The following DIP2C variants were observed in gnomAD, a reference collection of about 807,000 sequenced individuals.
DIP2C encodes the protein disco-interacting protein 2 homolog C.
Under a neutral mutation model 192.4 loss-of-function variants are expected in DIP2C, and 33 were observed. That is an observed-to-expected ratio of 0.17 (90% CI 0.13 to 0.23). The LOEUF is 0.23. Among genes scored for constraint, DIP2C ranks in the 10% least tolerant of loss-of-function variants. The pLI is 1.00. For synonymous variants in DIP2C, 979 were observed against 864.1 expected, an observed-to-expected ratio of 1.13 and a Z score of -2.33; for missense variants, 1,537 against 2,110.1, an observed-to-expected ratio of 0.73 and a Z score of 5.32.
intron 5 of DIP2C, among the ~76,000 whole-genome samples, chr10:421,527 AAAT>A (rs1370628134): frequency 1.3e-5 from 2 of 152,200 alleles, no homozygotes; most frequent in Non-Finnish European, 2.9e-5. Context: ...TTACAAAAAA[AAAT>A]AACAGTCACA....
intron 1 of DIP2C, among the ~76,000 whole-genome samples, chr10:577,723 G>A (rs986249366): frequency 1.3e-5 from 2 of 152,126 alleles, no homozygotes; most frequent in African/African-American, 4.8e-5. Flanking sequence ...TAATGATGAA[G>A]ACTCTGAACA....
In DIP2C at chr10:666,967, A is replaced by G. The variant is rs1221333020; in HGVS notation, c.85+22527T>C. On this transcript the variant is annotated intron_variant, in intron 1 of 36. Coordinates refer to ENST00000280886, the MANE Select transcript of DIP2C (RefSeq NM_014974.3). This position sits in a 1 kb window ranked among gnomAD's most constrained non-coding sequence, Gnocchi z 4.1. Reference sequence around the variant, plus strand: ...AGGGCACCCACCCAGTCTCCTAATCATAACAGACATTCACAGCAACACCAC... The same window carrying G: ...AGGGCACCCACCCAGTCTCCTAATCGTAACAGACATTCACAGCAACACCAC... 2.6e-5 allele frequency: 4 copies of G among 152,420 alleles called. No homozygotes were observed. Among genetic ancestry groups the G allele is most frequent in the Non-Finnish European group, 4.4e-5 (3 of 68,118 alleles). 9.4% of individuals were successfully genotyped at this position (152,420 alleles called of 1,614,324 possible).
intron 10 of DIP2C, among the ~76,000 whole-genome samples, chr10:395,796 G>C (rs751183117): frequency 4.3e-4 from 66 of 152,166 alleles, no homozygotes; most frequent in Non-Finnish European, 6.8e-4. Context: ...ACAGGCAGGG[G>C]ATCTTTCCTG....
chr10:683,134 G>C (rs565570624), intron 1 of DIP2C, among the ~76,000 whole-genome samples: 14 of 152,358 alleles, frequency 9.2e-5, no homozygotes, highest in African/African-American at 3.4e-4. Flanking sequence ...ATGAGAGGCT[G>C]CTGGTTGTAA....
At chr10:643,893 G>A (rs968605691) in intron 1 of DIP2C, among the ~76,000 whole-genome samples, 5 of 152,242 alleles carry the variant, frequency 3.3e-5, no homozygotes, top group African/African-American at 9.6e-5. Flanking sequence ...AGACGTATGA[G>A]GGTGTATTTA....
chr10:501,167 C>G (rs1845196270), intron 1 of DIP2C, among the ~76,000 whole-genome samples: 1 of 152,162 alleles, frequency 6.6e-6, no homozygotes, highest in South Asian at 2.1e-4. Context: ...GGGAGGAAAG[C>G]AGAGATGATT....
At chr10:608,113 A>AG (rs1554754274) in intron 1 of DIP2C, among the ~76,000 whole-genome samples, 1 of 125,062 alleles carries the variant, frequency 8.0e-6, no homozygotes, top group African/African-American at 3.6e-5. Flanking sequence ...GAACACACAC[A>AG]CCACACACAC....
chr10:462,299 AAG>A (rs1053002500), intron 3 of DIP2C, among the ~76,000 whole-genome samples: 120 of 152,338 alleles, frequency 7.9e-4, no homozygotes, highest in African/African-American at 2.5e-3. Flanking sequence ...CAAAGAAGAA[AAG>A]AGAGAAGAAT....
intron 31 of DIP2C, among the ~76,000 whole-genome samples, chr10:320,912 C>G (rs980648652): frequency 3.3e-5 from 5 of 152,260 alleles, no homozygotes; most frequent in African/African-American, 1.2e-4. Flanking sequence ...AAGAGAGCAC[C>G]GCAGCTGACA....
At chr10:670,851 G>T (rs986357949) in intron 1 of DIP2C, among the ~76,000 whole-genome samples, 1 of 152,198 alleles carries the variant, frequency 6.6e-6, no homozygotes, top group African/African-American at 2.4e-5. Context: ...ACCAGTAATG[G>T]CTGGTAATTA....
intron 1 of DIP2C, among the ~76,000 whole-genome samples, chr10:598,487 C>T (rs752769207): frequency 2.0e-5 from 3 of 152,172 alleles, no homozygotes; most frequent in Non-Finnish European, 2.9e-5. Flanking sequence ...AGTCTCAGTC[C>T]GAGGCCTCGC....
intron 9 of DIP2C, 91 bp from the exon 10 acceptor site, chr10:399,310 C>T (rs1443868489): frequency 1.9e-5 from 18 of 928,180 alleles, no homozygotes; most frequent in South Asian, 2.7e-5. Flanking sequence ...TGAGAGGGCA[C>T]GCTTCAGTGA....
At chr10:446,586 T>C (rs1311127854) in intron 3 of DIP2C, among the ~76,000 whole-genome samples, 1 of 152,232 alleles carries the variant, frequency 6.6e-6, no homozygotes, top group Non-Finnish European at 1.5e-5. Context: ...ACTCACTTCA[T>C]TGACGAGGGC....
Position 341,335 on chromosome 10 carries a change from A to G in DIP2C, c.3454-6T>C, listed in dbSNP as rs757749210. On this transcript the variant is annotated splice_polypyrimidine_tract_variant and splice_region_variant and intron_variant, in intron 28 of 36. Transcript: ENST00000280886. Reference sequence around the variant, plus strand: ...CTGGTGGCTGCGTGAGACATCTGCAAAATACAAGGCTGTGTTAAACGCATC... The same window carrying G: ...CTGGTGGCTGCGTGAGACATCTGCAGAATACAAGGCTGTGTTAAACGCATC... The G allele has an allele frequency of 6.2e-7, 1 of 1,613,604 alleles. No individual in the cohort carries two copies.
At chr10:390,509 T>TA (rs1050122157) in intron 11 of DIP2C, 136 bp from the exon 12 acceptor site, 18 of 1,072,370 alleles carry the variant, frequency 1.7e-5, no homozygotes, top group Non-Finnish European at 2.2e-5. Flanking sequence ...TCACGAGATC[T>TA]AAGACATCAA....
At chr10:420,775 C>T (rs529537980) in intron 5 of DIP2C, among the ~76,000 whole-genome samples, 30 of 152,144 alleles carry the variant, frequency 2.0e-4, no homozygotes, top group Non-Finnish European at 3.7e-4. Context: ...CAAGTAGAAG[C>T]GTGGCCAGCT....
At chr10:339,088 C>T (rs1409461099) in intron 29 of DIP2C, among the ~76,000 whole-genome samples, 1 of 152,082 alleles carries the variant, frequency 6.6e-6, no homozygotes, top group East Asian at 1.9e-4. Context: ...GGAGCACAGC[C>T]TGAGGTCGAG....
intron 3 of DIP2C, among the ~76,000 whole-genome samples, chr10:460,109 G>A (rs939228810): frequency 6.6e-6 from 1 of 151,712 alleles, no homozygotes; most frequent in Admixed American, 6.6e-5. Context: ...TGGGCTCTAG[G>A]ATCTTCCTCT....
At chr10:282,415 T>C (rs1954877510) in intron 35 of DIP2C, among the ~76,000 whole-genome samples, 1 of 152,180 alleles carries the variant, frequency 6.6e-6, no homozygotes, top group Non-Finnish European at 1.5e-5. Context: ...TTCCTAAACA[T>C]AGCCTGTTGG....
Sources: gnomAD v4.1 joint callset for allele counts (sites outside exome capture counted in the v4.1 genomes callset) on GRCh38, gnomAD v4.1.1 for gene constraint, Gnocchi (gnomAD v3.1) non-coding constraint, MANE v1.5 for transcripts, NCBI Gene and HGNC (gene_info 2026-07-23, HGNC 2026-07-21) for gene names.